The following SERPINI1 variants were observed in gnomAD, a reference collection of about 807,000 sequenced individuals.
SERPINI1 encodes serpin family I member 1.
A neutral mutation model predicts 41.1 loss-of-function variants in SERPINI1; 19 were observed. The observed-to-expected ratio is 0.46, with a 90% CI of 0.32 to 0.68. The LOEUF is 0.68. Ranked by LOEUF, SERPINI1 falls within the 30% of genes least tolerant of loss-of-function variation. The pLI is 0.03. For missense variants in SERPINI1, 460 were observed against 479.2 expected (o/e 0.96, Z 0.37); for synonymous variants, 138 against 156.6 (o/e 0.88, Z 0.89).
At chr3:167,768,628 T>G (rs1726640526) in intron 1 of SERPINI1, among the ~76,000 whole-genome samples, 1 of 152,248 alleles carries the variant, frequency 6.6e-6, no homozygotes. Context: ...TTCTTCTGTG[T>G]ATCTGAGTTT....
chr3:167,798,855 G>C (rs1339007410), intron 5 of SERPINI1, among the ~76,000 whole-genome samples: 1 of 152,116 alleles, frequency 6.6e-6, no homozygotes, highest in Non-Finnish European at 1.5e-5. Flanking sequence ...AAGACGGAAA[G>C]GGGGCAAGGG....
chr3:167,791,215 A>G (rs895636463), intron 3 of SERPINI1, among the ~76,000 whole-genome samples: 5 of 152,134 alleles, frequency 3.3e-5, no homozygotes, highest in African/African-American at 1.2e-4. Flanking sequence ...TTCCAATTTT[A>G]CCAGCAAAAT....
intron 1 of SERPINI1, among the ~76,000 whole-genome samples, chr3:167,779,207 T>A (rs13087463): frequency 0.13 from 19,529 of 152,180 alleles, 1,523 homozygotes; most frequent in African/African-American, 0.21. Flanking sequence ...AGCTTAAAAA[T>A]TTTTTTAAAC....
At chr3:167,803,960 G>A (rs936314066) in intron 5 of SERPINI1, among the ~76,000 whole-genome samples, 5 of 152,098 alleles carry the variant, frequency 3.3e-5, no homozygotes, top group African/African-American at 1.2e-4. Flanking sequence ...CAAGTTTCTG[G>A]CATATACTAA....
intron 1 of SERPINI1, among the ~76,000 whole-genome samples, chr3:167,784,682 T>C (rs1454257723): frequency 6.6e-6 from 1 of 152,128 alleles, no homozygotes; most frequent in Non-Finnish European, 1.5e-5. Flanking sequence ...CCATCAGATC[T>C]TGTGAAACTC....
chr3:167,821,775 A>ATATATACATACATAATTAGTCAT (rs1712337800), intron 6 of SERPINI1, among the ~76,000 whole-genome samples: 2 of 152,220 alleles, frequency 1.3e-5, no homozygotes, highest in Admixed American at 1.3e-4. Flanking sequence ...ATATACAAAC[A>ATATATACATACATAATTAGTCAT]TATATACATA....
chr3:167,825,379 T>G lies in SERPINI1; in HGVS notation c.*56T>G. 2.9e-6 allele frequency: 3 copies of G among 1,052,442 alleles called. No homozygotes were observed. Among genetic ancestry groups the G allele is most frequent in the Non-Finnish European group, 4.5e-6 (3 of 667,444 alleles). 65.2% of individuals were successfully genotyped at this position (1,052,442 alleles called of 1,614,324 possible). On this transcript the variant is annotated 3_prime_UTR_variant, in exon 9 of 9. Transcript: ENST00000446050. ...TAACTAAGCACATTATGTTTGCAAC[T>G]GGTATATATTTAGGATTTGTGTTTT...
intron 1 of SERPINI1, among the ~76,000 whole-genome samples, chr3:167,738,371 T>C (rs1725554110): frequency 6.6e-6 from 1 of 152,044 alleles, no homozygotes; most frequent in Non-Finnish European, 1.5e-5. Context: ...GCCTTTTGAG[T>C]AAAAATAAGT....
chr3:167,817,671 C>T (rs1408132632), intron 6 of SERPINI1, among the ~76,000 whole-genome samples: 1 of 152,070 alleles, frequency 6.6e-6, no homozygotes, highest in Non-Finnish European at 1.5e-5. Flanking sequence ...GATCTCGGCT[C>T]ACTGCAAGCT....
chr3:167,771,727 A>G (rs1310904099), intron 1 of SERPINI1, among the ~76,000 whole-genome samples: 2 of 152,230 alleles, frequency 1.3e-5, no homozygotes. Context: ...ATTATTTGGC[A>G]CAAGTAGGAC....
At chr3:167,792,370 T>C (rs1264561006) in intron 3 of SERPINI1, among the ~76,000 whole-genome samples, 1 of 150,268 alleles carries the variant, frequency 6.7e-6, no homozygotes, top group East Asian at 1.9e-4. Flanking sequence ...TACACACATA[T>C]ATATATATAC....
chr3:167,760,386 A>G (rs1162670386), intron 1 of SERPINI1, among the ~76,000 whole-genome samples: 1 of 151,326 alleles, frequency 6.6e-6, no homozygotes, highest in Non-Finnish European at 1.5e-5. Flanking sequence ...TGGCTTGGGA[A>G]CTGTGAGATC....
chr3:167,792,147 C>T (rs71304655), intron 3 of SERPINI1, among the ~76,000 whole-genome samples: 19,235 of 151,920 alleles, frequency 0.13, 1,457 homozygotes, highest in African/African-American at 0.21. Context: ...AAACAAAAAA[C>T]AGAATAAACT....
At chr3:167,803,160 A>G (rs1711507762) in intron 5 of SERPINI1, among the ~76,000 whole-genome samples, 1 of 151,914 alleles carries the variant, frequency 6.6e-6, no homozygotes, top group Non-Finnish European at 1.5e-5. Flanking sequence ...TAGCATTGGG[A>G]TATATACCTA....
chr3:167,821,481 T>C (rs1712325072), intron 6 of SERPINI1, among the ~76,000 whole-genome samples: 1 of 152,178 alleles, frequency 6.6e-6, no homozygotes, highest in African/African-American at 2.4e-5. Flanking sequence ...TCCATGCCAG[T>C]GCCTGGAGCT....
chr3:167,820,688 A>G (rs556178802), intron 6 of SERPINI1, among the ~76,000 whole-genome samples: 48 of 152,266 alleles, frequency 3.2e-4, no homozygotes, highest in African/African-American at 1.1e-3. Flanking sequence ...GCCGCTCAGC[A>G]CGGACAGCCT....
chr3:167,799,557 C>T (rs977254535), intron 5 of SERPINI1, among the ~76,000 whole-genome samples: 2 of 152,124 alleles, frequency 1.3e-5, no homozygotes, highest in African/African-American at 2.4e-5. Flanking sequence ...GGTATATACC[C>T]AGTAATGGGA....
At chr3:167,756,169 C>T (rs1437520430) in intron 1 of SERPINI1, among the ~76,000 whole-genome samples, 1 of 152,070 alleles carries the variant, frequency 6.6e-6, no homozygotes, top group East Asian at 1.9e-4. Flanking sequence ...GTATCCATGC[C>T]CTATGCTTTT....
chr3:167,760,775 G>GATA (rs1180151424), intron 1 of SERPINI1, among the ~76,000 whole-genome samples: 11 of 152,112 alleles, frequency 7.2e-5, no homozygotes, highest in African/African-American at 1.2e-4. Flanking sequence ...CTACAAAGAG[G>GATA]ATAAGTTCAA....
Sources: allele counts gnomAD v4.1 joint callset (sites outside exome capture counted in the v4.1 genomes callset), GRCh38; gene constraint gnomAD v4.1.1; transcripts MANE v1.5; gene names NCBI Gene and HGNC (gene_info 2026-07-23, HGNC 2026-07-21).